The following PTPRZ1 variants were observed in gnomAD, a reference collection of about 807,000 sequenced individuals.
PTPRZ1 encodes receptor-type tyrosine-protein phosphatase zeta.
In PTPRZ1, 82 loss-of-function variants were observed where a neutral mutation model predicts 214.1. The observed-to-expected ratio is 0.38, with a 90% CI of 0.32 to 0.46. PTPRZ1 has a LOEUF of 0.46. PTPRZ1 is among the 20% of genes least tolerant of loss of function. The pLI, the probability that PTPRZ1 is intolerant of heterozygous loss-of-function variation, is 1.00. For missense variants in PTPRZ1, 2,603 were observed against 2,748.7 expected (o/e 0.95, Z 1.19); for synonymous variants, 945 against 987.9 (o/e 0.96, Z 0.81).
In PTPRZ1 at chr7:122,010,708, G is replaced by A. The variant is rs1181972900; in HGVS notation, c.1662G>A (p.Ser554=). 22 of 1,613,742 alleles carry A rather than the reference G, an allele frequency of 1.4e-5. No homozygotes were observed. The highest frequency in any genetic ancestry group is 4.5e-5 in the East Asian group (2 of 44,882). ...TTAGATCTCCACATATGAACTTGTC[G>A]GGGACTGCAGAATCCTTAAATACAG... is the stretch of plus-strand genomic sequence containing the variant. ...TVLRSPHMNL[S]GTAESLNTVS... The change falls in exon 12 of 30, where the codon TCG becomes TCA. Residue 554 remains serine (S), a synonymous_variant. Coordinates refer to ENST00000393386, the MANE Select transcript of PTPRZ1 (RefSeq NM_002851.3).
In PTPRZ1 at chr7:122,036,691, GT is replaced by G; in HGVS notation, c.5367+13del. 1 of 1,571,214 alleles carries G rather than the reference GT, an allele frequency of 6.4e-7. No homozygotes were observed. Among genetic ancestry groups the G allele is most frequent in the Non-Finnish European group, 8.8e-7 (1 of 1,142,016 alleles). On this transcript the variant is annotated intron_variant, in intron 18 of 29. Coordinates refer to ENST00000393386, the MANE Select transcript of PTPRZ1 (RefSeq NM_002851.3). ...ATGCCAATTATGTTGATGTAAGCATGTTTTAATTGAAAATTTTATAGAAATC... is the reference window on the plus strand; with the variant it reads ...ATGCCAATTATGTTGATGTAAGCATGTTTAATTGAAAATTTTATAGAAATC...
chr7:121,960,304 G>C (rs976289040), intron 2 of PTPRZ1, among the ~76,000 whole-genome samples: 1 of 152,208 alleles, frequency 6.6e-6, no homozygotes, highest in Non-Finnish European at 1.5e-5. Context: ...GCCTCCCAAA[G>C]TGCTGGGATT....
At chr7:121,908,364 G>C in intron 1 of PTPRZ1, 3 of 251,848 alleles carry the variant, frequency 1.2e-5, no homozygotes, top group South Asian at 4.1e-5. Context: ...AATCCCTTTG[G>C]AAAAGAATAT....
At position 122,012,706 on chromosome 7, in the gene PTPRZ1, A is replaced by G. The variant is rs1562862172; in HGVS notation, c.3660A>G (p.Thr1220=). The G allele has an allele frequency of 1.9e-6, 3 of 1,608,538 alleles. No homozygotes were observed. The highest frequency in any genetic ancestry group is 2.6e-6 in the Non-Finnish European group (3 of 1,175,008). Residue 1220 remains threonine, a synonymous_variant, in exon 12 of 30, where the codon ACA becomes ACG. Transcript: ENST00000393386. ...CCAAAGTTGATAAAATTAGTTCTAC[A>G]ATGTTGCATCTCATTGTATCAAATT... ...ETPKVDKISS[T]MLHLIVSNSA...
chr7:122,046,863 G>C (rs536820614), intron 23 of PTPRZ1, among the ~76,000 whole-genome samples: 5 of 151,826 alleles, frequency 3.3e-5, no homozygotes, highest in Non-Finnish European at 5.9e-5. Context: ...AGTGATCAGC[G>C]TAGAGATGGT....
Position 121,873,437 on chromosome 7 carries a change from C to A in PTPRZ1, c.-63C>A. The stretch of plus-strand genomic sequence containing the variant: ...ACAAAAAAAACATTTCCTTCGCTCC[C>A]CCTCCCTCTCCACTCTGAGAAGCAG... On this transcript the variant is annotated 5_prime_UTR_variant, in exon 1 of 30. Transcript: ENST00000393386. 1 of 1,547,122 alleles carries A rather than the reference C, an allele frequency of 6.5e-7. No individual in the cohort carries two copies. The highest frequency in any genetic ancestry group is 8.9e-7 in the Non-Finnish European group (1 of 1,124,528).
At chr7:121,958,028 A>G (rs868163541) in intron 2 of PTPRZ1, among the ~76,000 whole-genome samples, 9 of 151,992 alleles carry the variant, frequency 5.9e-5, no homozygotes, top group Middle Eastern at 6.8e-3. Context: ...TTTCCTCTCA[A>G]TATATACACA....
intron 1 of PTPRZ1, among the ~76,000 whole-genome samples, chr7:121,883,289 C>G (rs1248144044): frequency 6.6e-6 from 1 of 152,048 alleles, no homozygotes; most frequent in Non-Finnish European, 1.5e-5. Flanking sequence ...AACAAGCAAA[C>G]TTTTTTAAAG....
At chr7:122,039,221 C>T (rs1799639628) in intron 19 of PTPRZ1, among the ~76,000 whole-genome samples, 1 of 152,118 alleles carries the variant, frequency 6.6e-6, no homozygotes, top group African/African-American at 2.4e-5. Flanking sequence ...GACTCACTTG[C>T]CTTATCTGAA....
chr7:121,993,633 T>C (rs1486454201), intron 8 of PTPRZ1, among the ~76,000 whole-genome samples: 2 of 143,944 alleles, frequency 1.4e-5, no homozygotes, highest in Non-Finnish European at 3.0e-5. Context: ...CTGATTTCAA[T>C]AGGAAATATA....
chr7:121,999,597 C>G (rs1798260363), intron 10 of PTPRZ1, among the ~76,000 whole-genome samples: 1 of 152,164 alleles, frequency 6.6e-6, no homozygotes, highest in African/African-American at 2.4e-5. Flanking sequence ...TTATGCTACT[C>G]TAATTTCGTA....
intron 19 of PTPRZ1, 123 bp from the exon 20 acceptor site, chr7:122,039,329 TAA>T (rs1799643028): frequency 9.4e-7 from 1 of 1,066,446 alleles, no homozygotes; most frequent in Non-Finnish European, 1.3e-6. Context: ...ATAAAGAAAA[TAA>T]AACATTTAGA....
Position 121,944,295 on chromosome 7 carries a change from C to T in PTPRZ1, c.124+16074C>T, listed in dbSNP as rs539391756. Among the ~76,000 whole-genome samples the T allele has an allele frequency of 4.6e-5, 7 of 152,146 alleles. No individual in the cohort carries two copies. In the East Asian group the frequency reaches 1.4e-3, roughly 29 times the overall value. ...TATAATCTTTGTATTTACCTGACTC[C>T]AGAAGATCCTGGGTCCTGAAAATAT... On this transcript the variant is annotated intron_variant, in intron 2 of 29. Transcript: ENST00000393386.
intron 13 of PTPRZ1, among the ~76,000 whole-genome samples, chr7:122,019,578 C>T (rs552976846): frequency 6.6e-6 from 1 of 151,990 alleles, no homozygotes; most frequent in East Asian, 1.9e-4. Context: ...CTAAGCTTCT[C>T]GTTAGTTGTT....
chr7:121,986,083 A>G (rs1437364837), intron 8 of PTPRZ1, among the ~76,000 whole-genome samples: 1 of 152,156 alleles, frequency 6.6e-6, no homozygotes, highest in East Asian at 1.9e-4. Flanking sequence ...AATGTAGAAC[A>G]TTGCTTTCAC....
In PTPRZ1 at chr7:122,051,976, G is replaced by T. The variant is rs373863795; in HGVS notation, c.6252+37G>T. The T allele has an allele frequency of 4.6e-6, 7 of 1,525,412 alleles. No individual in the cohort carries two copies. In the East Asian group the frequency reaches 1.6e-4, roughly 36 times the overall value. 94.5% of individuals were successfully genotyped at this position (1,525,412 alleles called of 1,614,324 possible). A position where few individuals can be genotyped will look rare whatever the true frequency, so the allele number is the denominator to read the frequency against. ...AAGTCACTGAGGAGACTGCCAGCTT[G>T]TGTTACAGGGATCAAAACCAGAATG... On this transcript the variant is annotated intron_variant, in intron 25 of 29. Transcript: ENST00000393386.
intron 13 of PTPRZ1, 58 bp from the exon 14 acceptor site, chr7:122,028,494 G>A: frequency 7.5e-7 from 1 of 1,327,860 alleles, no homozygotes; most frequent in Non-Finnish European, 1.1e-6. Context: ...AAGCAGCTCA[G>A]AAATTGTCTT....
chr7:121,895,303 G>T (rs1794754940), intron 1 of PTPRZ1, among the ~76,000 whole-genome samples: 1 of 152,150 alleles, frequency 6.6e-6, no homozygotes, highest in South Asian at 2.1e-4. Flanking sequence ...TCTTGCAGGT[G>T]TAGGATAATC....
At chr7:121,982,463 A>G (rs1797640786) in intron 6 of PTPRZ1, among the ~76,000 whole-genome samples, 1 of 152,206 alleles carries the variant, frequency 6.6e-6, no homozygotes, top group African/African-American at 2.4e-5. Context: ...CTATGAATCA[A>G]TTTGGGGAAA....
Sources: allele counts gnomAD v4.1 joint callset (sites outside exome capture counted in the v4.1 genomes callset), GRCh38; gene constraint gnomAD v4.1.1; transcripts MANE v1.5; gene names NCBI Gene and HGNC (gene_info 2026-07-23, HGNC 2026-07-21).